Variants in UNC5C observed in about 807,000 individuals in gnomAD.
The protein encoded by UNC5C is netrin receptor UNC5C.
Under a neutral mutation model 99.8 loss-of-function variants are expected in UNC5C, and 47 were observed. That is an observed-to-expected ratio of 0.47 (90% CI 0.37 to 0.60). UNC5C has a LOEUF of 0.60. Ranked by LOEUF, UNC5C falls within the 20% of genes least tolerant of loss-of-function variation. The probability of loss-of-function intolerance (pLI) is 0.00; values close to 1 mark genes in which losing one functional copy is unlikely to be tolerated. For missense variants in UNC5C, 1,062 were observed against 1,165.9 expected (o/e 0.91, Z 1.30); for synonymous variants, 487 against 452.2 (o/e 1.08, Z -0.98).
chr4:95,349,230 A>C (rs1743892772), intron 1 of UNC5C, among the ~76,000 whole-genome samples: 1 of 150,898 alleles, frequency 6.6e-6, no homozygotes, highest in African/African-American at 2.4e-5. Flanking sequence ...AATACATCTC[A>C]CGTACCCCAT....
intron 1 of UNC5C, among the ~76,000 whole-genome samples, chr4:95,502,429 C>A (rs564705583): frequency 9.1e-4 from 138 of 152,144 alleles, no homozygotes; most frequent in African/African-American, 3.2e-3. Context: ...CCACCATGCC[C>A]AGCTTATTTT....
chr4:95,513,173 C>T (rs545651507), intron 1 of UNC5C, among the ~76,000 whole-genome samples: 11 of 152,280 alleles, frequency 7.2e-5, no homozygotes, highest in African/African-American at 9.6e-5. Context: ...GATTACATCC[C>T]GGCATGTAAT....
Position 95,170,272 on chromosome 4 carries a change from C to T in UNC5C, c.2512G>A (p.Gly838Arg). The change falls in exon 15 of 16, where the codon GGG (glycine) becomes AGG (arginine). Residue 838 changes from glycine to arginine, a missense_variant. Physicochemically the swap from Gly to Arg is moderately radical, Grantham distance 125. This residue lies in a region of UNC5C where 810 missense variants were observed against 854.5 expected (regional missense o/e 0.95). Coordinates refer to ENST00000453304, the MANE Select transcript of UNC5C (RefSeq NM_003728.4). ...AGAGGGATGCTGAAAGCACTGGGCCCCGTGACCGTGGTGATGGTGTTCGCA... is the reference window on the plus strand; with the variant it reads ...AGAGGGATGCTGAAAGCACTGGGCCTCGTGACCGTGGTGATGGTGTTCGCA... ...DPANTITTVTGPSAFSIPLPI... is the reference protein window; with the variant it reads ...DPANTITTVTRPSAFSIPLPI... The T allele has an allele frequency of 1.2e-6, 2 of 1,614,080 alleles. No homozygotes were observed. The highest frequency in any genetic ancestry group is 1.7e-6 in the Non-Finnish European group (2 of 1,180,018).
At chr4:95,376,193 A>G (rs565059364) in intron 1 of UNC5C, among the ~76,000 whole-genome samples, 22 of 151,106 alleles carry the variant, frequency 1.5e-4, no homozygotes, top group African/African-American at 5.1e-4. Context: ...CATCTCATAT[A>G]TGTATGAATA....
chr4:95,331,478 T>C lies in UNC5C; in HGVS notation c.346+3932A>G, dbSNP rs369120817. Among the ~76,000 whole-genome samples, 183 of 152,250 alleles carry C rather than the reference T, an allele frequency of 1.2e-3. 1 individual carries two copies. The highest frequency in any genetic ancestry group is 3.9e-3 in the African/African-American group (162 of 41,568). ...AGGTAATACCTACATGAGTCTAGTA[T>C]GTCAGCCTTTGGCTGGATGCTGGCC... On this transcript the variant is annotated intron_variant, in intron 2 of 15. Coordinates refer to ENST00000453304, the MANE Select transcript of UNC5C (RefSeq NM_003728.4).
rs1424318253 is a variant in UNC5C at position 95,164,015 on chromosome 4, A to C, written c.*5219T>G. ...TACATTTGGTTGAATGAGCCCGTTAATATCCTACCACAGATGAATACAATG... is the reference window on the plus strand; with the variant it reads ...TACATTTGGTTGAATGAGCCCGTTACTATCCTACCACAGATGAATACAATG... On this transcript the variant is annotated 3_prime_UTR_variant, in exon 16 of 16. Transcript: ENST00000453304. The C allele has an allele frequency of 6.6e-6, 1 of 152,252 alleles. No individual in the cohort carries two copies. The highest frequency in any genetic ancestry group is 2.4e-5 in the African/African-American group (1 of 41,466). The allele number at this position is 152,252 out of a possible 1,614,324, so 9.4% of individuals were successfully genotyped here. A position where few individuals can be genotyped will look rare whatever the true frequency, so the allele number is the denominator to read the frequency against.
intron 1 of UNC5C, among the ~76,000 whole-genome samples, chr4:95,336,607 A>G (rs560556328): frequency 6.6e-6 from 1 of 152,016 alleles, no homozygotes; most frequent in African/African-American, 2.4e-5. Flanking sequence ...CCATTGGTAT[A>G]GTGGACATCT....
At chr4:95,363,559 T>C (rs1744460853) in intron 1 of UNC5C, among the ~76,000 whole-genome samples, 1 of 151,792 alleles carries the variant, frequency 6.6e-6, no homozygotes, top group African/African-American at 2.4e-5. Flanking sequence ...TGATAGTGAT[T>C]AATTGCACTC....
intron 1 of UNC5C, among the ~76,000 whole-genome samples, chr4:95,394,871 A>G (rs1205021376): frequency 6.6e-6 from 1 of 152,164 alleles, no homozygotes; most frequent in Admixed American, 6.5e-5. Context: ...TCTGACACCA[A>G]AAACAACAGG....
chr4:95,393,254 T>C (rs1033324533), intron 1 of UNC5C, among the ~76,000 whole-genome samples: 25 of 152,148 alleles, frequency 1.6e-4, no homozygotes, highest in Non-Finnish European at 2.6e-4. Flanking sequence ...CCTAAGATAT[T>C]AGGAGTTATT....
At chr4:95,454,097 T>C (rs1368902597) in intron 1 of UNC5C, among the ~76,000 whole-genome samples, 1 of 152,036 alleles carries the variant, frequency 6.6e-6, no homozygotes, top group Non-Finnish European at 1.5e-5. Context: ...AGTTGCACAA[T>C]ATTGTGAGTG....
At chr4:95,276,414 G>T (rs1740861334) in intron 4 of UNC5C, among the ~76,000 whole-genome samples, 1 of 152,108 alleles carries the variant, frequency 6.6e-6, no homozygotes, top group Non-Finnish European at 1.5e-5. Context: ...CAATTAGTTT[G>T]CAGTCATGAA....
chr4:95,166,761 A>T lies in UNC5C; in HGVS notation c.*2473T>A, dbSNP rs946279426. On this transcript the variant is annotated 3_prime_UTR_variant, in exon 16 of 16. Transcript: ENST00000453304. ...TCTTGACAAGTTTATTTCAAAATGTAGGAATGGACAATAGCTCTCTTTCCT... is the reference window on the plus strand; with the variant it reads ...TCTTGACAAGTTTATTTCAAAATGTTGGAATGGACAATAGCTCTCTTTCCT... 3 of 152,200 alleles carry T rather than the reference A, an allele frequency of 2.0e-5. No homozygotes were observed. The highest frequency in any genetic ancestry group is 2.9e-5 in the Non-Finnish European group (2 of 68,028). 9.4% of individuals were successfully genotyped at this position (152,200 alleles called of 1,614,324 possible). A position where few individuals can be genotyped will look rare whatever the true frequency, so the allele number is the denominator to read the frequency against.
intron 4 of UNC5C, among the ~76,000 whole-genome samples, chr4:95,253,360 A>G (rs568350265): frequency 6.6e-6 from 1 of 152,286 alleles, no homozygotes; most frequent in South Asian, 2.1e-4. Context: ...ACATGGAAGA[A>G]AGTGTTCAAT....
chr4:95,392,525 T>C (rs1030575899), intron 1 of UNC5C, among the ~76,000 whole-genome samples: 4 of 151,988 alleles, frequency 2.6e-5, no homozygotes, highest in African/African-American at 7.2e-5. Context: ...CTTGAACTTC[T>C]GGACTCAAGC....
intron 1 of UNC5C, among the ~76,000 whole-genome samples, chr4:95,419,043 C>T (rs932182310): frequency 2.0e-5 from 3 of 152,032 alleles, no homozygotes; most frequent in Admixed American, 6.6e-5. Flanking sequence ...CTTATTTTTT[C>T]CCATAAAGAG....
intron 14 of UNC5C, among the ~76,000 whole-genome samples, chr4:95,175,149 G>C (rs1425049559): frequency 1.3e-5 from 2 of 151,610 alleles, no homozygotes; most frequent in African/African-American, 4.8e-5. Flanking sequence ...CTGCACGTGA[G>C]ATGGGTTTCC....
Position 95,278,259 on chromosome 4 carries a change from C to T in UNC5C, c.594G>A (p.Glu198=), listed in dbSNP as rs1465516697. ...CRPPEGIPVA[E]VEWLKNEDII... The stretch of plus-strand genomic sequence containing the variant: ...AATGCAAAGAATTGTTGTTATTCAC[C>T]TCAGCCACTGGGATCCCTTCAGGTG... Residue 198 remains glutamate, a splice_region_variant and synonymous_variant, in exon 4 of 16, where the codon GAG becomes GAA. Transcript: ENST00000453304. The T allele has an allele frequency of 5.0e-6, 8 of 1,613,126 alleles. No homozygotes were observed. Among genetic ancestry groups the T allele is most frequent in the Non-Finnish European group, 6.8e-6 (8 of 1,179,262 alleles).
chr4:95,335,561 A>G lies in UNC5C; in HGVS notation c.195T>C (p.Leu65=). The G allele has an allele frequency of 6.2e-7, 1 of 1,612,374 alleles. No homozygotes were observed. The highest frequency in any genetic ancestry group is 8.5e-7 in the Non-Finnish European group (1 of 1,178,900). The change falls in exon 2 of 16, where the codon CTT becomes CTC. Residue 65 remains leucine (L), a synonymous_variant. Coordinates refer to ENST00000453304, the MANE Select transcript of UNC5C (RefSeq NM_003728.4). ...CAATATAAGCTTCTTCAGGCTCAAT[A>G]AGGAAATGTGGCAGAGGCTCAGGTG... ...SDPPEPLPHF[L]IEPEEAYIVK...
Sources: allele counts gnomAD v4.1 joint callset (sites outside exome capture counted in the v4.1 genomes callset), GRCh38; gene constraint gnomAD v4.1.1; regional missense constraint gnomAD v4.1.1; transcripts MANE v1.5; gene names NCBI Gene and HGNC (gene_info 2026-07-23, HGNC 2026-07-21).